The following ZNF620 variants were observed in gnomAD, a reference collection of about 807,000 sequenced individuals.
ZNF620 encodes zinc finger protein 620.
In ZNF620, 10 loss-of-function variants were observed where a neutral mutation model predicts 13.3. The observed-to-expected ratio is 0.75, with a 90% CI of 0.46 to 1.28. The LOEUF is 1.28. Ranked by LOEUF, ZNF620 falls within the 50% of genes most tolerant of loss-of-function variation. The pLI is 0.00. For missense variants in ZNF620, 461 were observed against 500.2 expected (o/e 0.92, Z 0.75); for synonymous variants, 166 against 177.6 (o/e 0.93, Z 0.52).
At chr3:40,511,410 C>G in intron 2 of ZNF620, 60 bp from the exon 3 acceptor site, 2 of 1,590,228 alleles carry the variant, frequency 1.3e-6, no homozygotes, top group South Asian at 1.1e-5. Context: ...ATCTCTGCCC[C>G]ACTACTTAGC....
At chr3:40,515,750 C>A in intron 4 of ZNF620, 110 bp from the exon 5 acceptor site, 1 of 1,380,884 alleles carries the variant, frequency 7.2e-7, no homozygotes, top group Non-Finnish European at 9.8e-7. Flanking sequence ...ATTAGAACCA[C>A]TTGATTCTGT....
At chr3:40,510,326 AC>A (rs1185894892) in intron 2 of ZNF620, among the ~76,000 whole-genome samples, 2 of 151,856 alleles carry the variant, frequency 1.3e-5, no homozygotes, top group Admixed American at 6.5e-5. Context: ...CAAAAACATT[AC>A]CCTTTTACTT....
At chr3:40,506,894 T>C (rs545135049) in intron 2 of ZNF620, among the ~76,000 whole-genome samples, 15 of 152,300 alleles carry the variant, frequency 9.8e-5, no homozygotes, top group African/African-American at 3.6e-4. Context: ...TTTATGCTTT[T>C]AAAGTGAAAG....
In ZNF620 at chr3:40,512,403, A is replaced by C. The variant is rs1313851984; in HGVS notation, c.153A>C (p.Ala51=). The C allele has an allele frequency of 8.1e-6, 13 of 1,613,996 alleles. No homozygotes were observed. The highest frequency in any genetic ancestry group is 1.0e-5 in the Non-Finnish European group (12 of 1,179,894). ...TCCTGTTTCTTTCTCCCTGGGCAGCATTCCCATTCACCACGCCTGTTCTGG... is the reference window on the plus strand; with the variant it reads ...TCCTGTTTCTTTCTCCCTGGGCAGCCTTCCCATTCACCACGCCTGTTCTGG... ...LENYANVASL[A]FPFTTPVLVS... is the part of the protein sequence containing the mutation. The change falls in exon 4 of 5, where the codon GCA becomes GCC. Residue 51 remains alanine (A), a splice_region_variant and synonymous_variant. Coordinates refer to ENST00000314529, the MANE Select transcript of ZNF620 (RefSeq NM_175888.4).
At position 40,515,871 on chromosome 3, in the gene ZNF620, A is replaced by G. The variant is rs1183427968; in HGVS notation, c.277A>G (p.Arg93Gly). The G allele has an allele frequency of 6.2e-7, 1 of 1,609,056 alleles. No individual in the cohort carries two copies. Among genetic ancestry groups the G allele is most frequent in the East Asian group, 2.2e-5 (1 of 44,816 alleles). ...TCTTTTTGTGATAGGGGATGAGGCC[A>G]GAACTGAGAAGGAAGGATTAACTCC... ...LRGICPGDEA[R>G]TEKEGLTPKD... The change falls in exon 5 of 5, where the codon AGA becomes GGA. Residue 93 changes from arginine (R) to glycine (G), a missense_variant. By Grantham distance (125) the Arg-to-Gly change is moderately radical. Transcript: ENST00000314529.
intron 4 of ZNF620, among the ~76,000 whole-genome samples, chr3:40,513,319 ATATATATATATATATATAT>A (rs1698265989): frequency 2.6e-4 from 25 of 94,958 alleles, no homozygotes; most frequent in South Asian, 6.4e-4. Context: ...AAAAAAAAAT[ATATATATATATATATATAT>A]ATATATATAT....
At position 40,517,021 on chromosome 3, in the gene ZNF620, T is replaced by C; in HGVS notation, c.*158T>C. ...CCTGTTTCCCCAACATGAAGTCTCT[T>C]TATGGTTAGAGAAGACCAAAAAACA... On this transcript the variant is annotated 3_prime_UTR_variant, in exon 5 of 5. Coordinates refer to ENST00000314529, the MANE Select transcript of ZNF620 (RefSeq NM_175888.4). 1 of 746,264 alleles carries C rather than the reference T, an allele frequency of 1.3e-6. No individual in the cohort carries two copies. Among genetic ancestry groups the C allele is most frequent in the South Asian group, 2.6e-5 (1 of 37,804 alleles). The allele number at this position is 746,264 out of a possible 1,614,324, so 46.2% of individuals were successfully genotyped here.
intron 3 of ZNF620, among the ~76,000 whole-genome samples, chr3:40,511,972 G>T (rs1039721537): frequency 1.3e-5 from 2 of 151,970 alleles, no homozygotes; most frequent in African/African-American, 4.8e-5. Context: ...GTGAGCCACC[G>T]CTCCTGGCAG....
intron 2 of ZNF620, among the ~76,000 whole-genome samples, chr3:40,507,448 C>T (rs1282597350): frequency 1.3e-5 from 2 of 152,184 alleles, no homozygotes; most frequent in African/African-American, 2.4e-5. Context: ...ACCAACTCTG[C>T]GGTGGGATAA....
intron 1 of ZNF620, 82 bp from the exon 2 acceptor site, chr3:40,506,222 G>A (rs1698010366): frequency 8.5e-7 from 1 of 1,182,116 alleles, no homozygotes. Context: ...GCGGAAAGGA[G>A]AGGGGCCCAA....
intron 4 of ZNF620, among the ~76,000 whole-genome samples, chr3:40,514,198 T>C (rs1698302571): frequency 6.6e-6 from 1 of 152,174 alleles, no homozygotes; most frequent in African/African-American, 2.4e-5. Context: ...TCCACTTTCA[T>C]GTTCTGCCCT....
At chr3:40,512,245 G>A (rs1002407644) in intron 3 of ZNF620, among the ~76,000 whole-genome samples, 157 bp from the exon 4 acceptor site, 1 of 152,178 alleles carries the variant, frequency 6.6e-6, no homozygotes, top group Non-Finnish European at 1.5e-5. Flanking sequence ...GTGCCACTTT[G>A]TGGGAAATTT....
intron 4 of ZNF620, among the ~76,000 whole-genome samples, chr3:40,514,702 G>A (rs1006410707): frequency 6.6e-6 from 1 of 152,174 alleles, no homozygotes; most frequent in Non-Finnish European, 1.5e-5. Context: ...AACCCAGGAG[G>A]TGGAGGTTGC....
At chr3:40,513,358 C>T (rs1439200272) in intron 4 of ZNF620, among the ~76,000 whole-genome samples, 1 of 118,080 alleles carries the variant, frequency 8.5e-6, no homozygotes, top group African/African-American at 3.3e-5. Flanking sequence ...TATATATGGC[C>T]AGGTGTGGTG....
At chr3:40,509,234 C>CT (rs919068326) in intron 2 of ZNF620, among the ~76,000 whole-genome samples, 1 of 151,550 alleles carries the variant, frequency 6.6e-6, no homozygotes, top group East Asian at 1.9e-4. Context: ...TCTTTCTTTT[C>CT]TTTTTTTTCT....
chr3:40,516,014 G>C lies in ZNF620; in HGVS notation c.420G>C (p.Trp140Cys). 2 of 1,614,120 alleles carry C rather than the reference G, an allele frequency of 1.2e-6. No individual in the cohort carries two copies. The highest frequency in any genetic ancestry group is 1.7e-6 in the Non-Finnish European group (2 of 1,180,046). The change falls in exon 5 of 5, where the codon TGG becomes TGC. Residue 140 changes from tryptophan (W) to cysteine (C), a missense_variant. By Grantham distance (215) the Trp-to-Cys change is radical. Transcript: ENST00000314529. ...GSSLEQPQGH[W>C]IIKTKSKRRH... ...GCCTAGAGCAGCCACAAGGTCATTG[G>C]ATAATTAAGACAAAGTCAAAGAGGA...
rs1698448466 is a variant in ZNF620, at chr3:40,518,673, A to C, written c.*1810A>C. On this transcript the variant is annotated 3_prime_UTR_variant, in exon 5 of 5. Coordinates refer to ENST00000314529, the MANE Select transcript of ZNF620 (RefSeq NM_175888.4). ...GAGGCAGAGGTTGCAGTGAGCCAAG[A>C]TCATGCCACTGCACTCCAGTCTGGG... The C allele has an allele frequency of 6.6e-6, 1 of 150,792 alleles. No individual in the cohort carries two copies. The highest frequency in any genetic ancestry group is 1.5e-5 in the Non-Finnish European group (1 of 67,868). 9.3% of individuals were successfully genotyped at this position (150,792 alleles called of 1,614,324 possible). A position where few individuals can be genotyped will look rare whatever the true frequency, so the allele number is the denominator to read the frequency against.
chr3:40,511,431 G>A, intron 2 of ZNF620, 39 bp from the exon 3 acceptor site: 1 of 1,606,420 alleles, frequency 6.2e-7, no homozygotes, highest in Non-Finnish European at 8.5e-7. Flanking sequence ...CTGATCCTCT[G>A]CCCTCACACA....
chr3:40,507,982 G>C (rs1362908206), intron 2 of ZNF620, among the ~76,000 whole-genome samples: 2 of 152,074 alleles, frequency 1.3e-5, no homozygotes, highest in African/African-American at 4.8e-5. Flanking sequence ...TTTTATCTAA[G>C]TTGTAGAAAT....
Sources: allele counts gnomAD v4.1 joint callset (sites outside exome capture counted in the v4.1 genomes callset), GRCh38; gene constraint gnomAD v4.1.1; transcripts MANE v1.5; gene names NCBI Gene and HGNC (gene_info 2026-07-23, HGNC 2026-07-21).